The following FILIP1 variants were observed in gnomAD, a reference collection of about 807,000 sequenced individuals.
The protein encoded by FILIP1 is filamin-A-interacting protein 1.
A neutral mutation model predicts 102.1 loss-of-function variants in FILIP1; 61 were observed. The ratio of observed to expected loss-of-function variants is 0.60; its 90% confidence interval spans 0.49 to 0.74. The LOEUF is 0.74. Among genes scored for constraint, FILIP1 ranks in the 30% least tolerant of loss-of-function variants. The pLI is 0.00. For missense variants in FILIP1, 1,314 were observed against 1,441.2 expected (o/e 0.91, Z 1.43); for synonymous variants, 491 against 526.9 (o/e 0.93, Z 0.93).
intron 1 of FILIP1, among the ~76,000 whole-genome samples, chr6:75,435,862 C>A (rs1270471748): frequency 6.6e-6 from 1 of 152,180 alleles, no homozygotes; most frequent in Non-Finnish European, 1.5e-5. Context: ...TAAAGGCACA[C>A]TCATCTCTGC....
At chr6:75,387,929 T>C (rs920196129) in intron 2 of FILIP1, among the ~76,000 whole-genome samples, 1 of 152,206 alleles carries the variant, frequency 6.6e-6, no homozygotes, top group Non-Finnish European at 1.5e-5. Flanking sequence ...GCCATTGCTT[T>C]TGGTGTTTTA....
chr6:75,411,771 C>A (rs1415197443), intron 2 of FILIP1, among the ~76,000 whole-genome samples: 2 of 152,070 alleles, frequency 1.3e-5, no homozygotes, highest in Non-Finnish European at 2.9e-5. Context: ...TTTCTCTGGT[C>A]TAGATATCTG....
chr6:75,450,572 C>A (rs1385944789), intron 1 of FILIP1, among the ~76,000 whole-genome samples: 1 of 151,298 alleles, frequency 6.6e-6, no homozygotes, highest in Non-Finnish European at 1.5e-5. Context: ...TTGCTTGAGC[C>A]CAGGAGTTTC....
chr6:75,426,257 A>G (rs1357949658), intron 1 of FILIP1, among the ~76,000 whole-genome samples: 1 of 152,160 alleles, frequency 6.6e-6, no homozygotes. Flanking sequence ...GAGAGAAGAA[A>G]AAAAAATGCC....
At position 75,315,002 on chromosome 6, in the gene FILIP1, T is replaced by C. The variant is rs1773383821; in HGVS notation, c.830A>G (p.Glu277Gly). 7 of 1,613,970 alleles carry C rather than the reference T, an allele frequency of 4.3e-6. No individual in the cohort carries two copies. The highest frequency in any genetic ancestry group is 5.9e-6 in the Non-Finnish European group (7 of 1,179,984). Residue 277 changes from glutamate (E) to glycine (G), a missense_variant, in exon 5 of 6, where the codon GAA becomes GGA. Transcript: ENST00000237172. ...KVQDLTQKLREEEEKLKAITS... is the reference protein window; with the variant it reads ...KVQDLTQKLRGEEEKLKAITS... ...AATGGCTTTGAGCTTCTCTTCTTCT[T>C]CCCTCAGCTTCTGAGTAAGATCCTG...
intron 2 of FILIP1, among the ~76,000 whole-genome samples, chr6:75,391,088 G>A (rs1230285432): frequency 1.3e-5 from 2 of 151,958 alleles, no homozygotes; most frequent in African/African-American, 4.8e-5. Flanking sequence ...ATTCCCTCTA[G>A]AGCTCAAAAT....
At chr6:75,370,721 C>T (rs1253182470) in intron 2 of FILIP1, among the ~76,000 whole-genome samples, 1 of 151,844 alleles carries the variant, frequency 6.6e-6, no homozygotes, top group Admixed American at 6.6e-5. Flanking sequence ...GGATTACAGG[C>T]GCCTGCCACA....
chr6:75,398,152 A>G (rs1296553473), intron 2 of FILIP1: 1 of 152,196 alleles, frequency 6.6e-6, no homozygotes, highest in Non-Finnish European at 1.5e-5. Context: ...TTGATTATGC[A>G]CTATCACAGT....
chr6:75,296,885 T>C lies in FILIP1; in HGVS notation c.3494-935A>G, dbSNP rs546183239. The stretch of plus-strand genomic sequence containing the variant: ...ATTTATTTGGCTGGTTTTTCTTTTA[T>C]AGTAAACTTTATGCCTTAATGAACA... On this transcript the variant is annotated intron_variant, in intron 6 of 6. Coordinates refer to the FILIP1 transcript ENST00000393004. The C allele has an allele frequency of 2.5e-4, 38 of 152,328 alleles. No homozygotes were observed. In the South Asian group the frequency reaches 7.9e-3, roughly 32 times the overall value. 9.4% of individuals were successfully genotyped at this position (152,328 alleles called of 1,614,324 possible).
intron 1 of FILIP1, among the ~76,000 whole-genome samples, chr6:75,446,131 C>T (rs1778437761): frequency 6.6e-6 from 1 of 152,088 alleles, no homozygotes; most frequent in Admixed American, 6.6e-5. Context: ...GAAGCTATTG[C>T]TATAGTTAGA....
chr6:75,475,550 G>A (rs952112868), intron 1 of FILIP1, among the ~76,000 whole-genome samples: 4 of 152,084 alleles, frequency 2.6e-5, no homozygotes, highest in Non-Finnish European at 4.4e-5. Flanking sequence ...AAGTTAAAAA[G>A]ACTAAACGTG....
At chr6:75,329,287 C>T (rs542495801) in intron 4 of FILIP1, among the ~76,000 whole-genome samples, 1 of 152,170 alleles carries the variant, frequency 6.6e-6, no homozygotes, top group Non-Finnish European at 1.5e-5. Flanking sequence ...GATTTCAGGG[C>T]TCCTTTTGCC....
chr6:75,432,359 A>C (rs1047102470), intron 1 of FILIP1, among the ~76,000 whole-genome samples: 65 of 152,220 alleles, frequency 4.3e-4, no homozygotes, highest in African/African-American at 1.5e-3. Context: ...GAGTGATTTC[A>C]AAGGGCCAGG....
At chr6:75,401,655 T>C (rs1216200701) in intron 2 of FILIP1, among the ~76,000 whole-genome samples, 1 of 152,180 alleles carries the variant, frequency 6.6e-6, no homozygotes, top group Admixed American at 6.5e-5. Flanking sequence ...AAGGCATATA[T>C]AGAACATTTC....
At chr6:75,319,552 C>T (rs1213715208) in intron 4 of FILIP1, 5 of 544,490 alleles carry the variant, frequency 9.2e-6, no homozygotes, top group Admixed American at 6.0e-5. Flanking sequence ...ACTCTGAGGC[C>T]GGGCCCGGTG....
At chr6:75,356,220 G>GT (rs894038475) in intron 3 of FILIP1, among the ~76,000 whole-genome samples, 13 of 152,202 alleles carry the variant, frequency 8.5e-5, no homozygotes, top group Non-Finnish European at 1.9e-4. Flanking sequence ...TTGCCCTTCA[G>GT]TTATAAGGAG....
chr6:75,364,931 G>C (rs1022752718), intron 2 of FILIP1, among the ~76,000 whole-genome samples: 1 of 152,146 alleles, frequency 6.6e-6, no homozygotes. Flanking sequence ...ATCTGAAAGA[G>C]ACAAACTCGT....
chr6:75,349,425 G>C (rs1424507398), intron 4 of FILIP1, among the ~76,000 whole-genome samples: 1 of 152,064 alleles, frequency 6.6e-6, no homozygotes, highest in Non-Finnish European at 1.5e-5. Flanking sequence ...CTCACCACCG[G>C]CGGGAGAAGC....
intron 1 of FILIP1, among the ~76,000 whole-genome samples, chr6:75,481,480 G>C (rs1320959139): frequency 1.3e-5 from 2 of 152,144 alleles, no homozygotes; most frequent in Non-Finnish European, 2.9e-5. Flanking sequence ...ACCTGTTCCT[G>C]ATTCCCACCT....
Sources: gnomAD v4.1 joint callset for allele counts (sites outside exome capture counted in the v4.1 genomes callset) on GRCh38, gnomAD v4.1.1 for gene constraint, MANE v1.5 for transcripts, NCBI Gene and HGNC (gene_info 2026-07-23, HGNC 2026-07-21) for gene names.